The following PRKN variants were observed in gnomAD, a reference collection of about 807,000 sequenced individuals.
PRKN encodes the protein parkin RBR E3 ubiquitin protein ligase, also known as E3 ubiquitin-protein ligase parkin.
A neutral mutation model predicts 59.5 loss-of-function variants in PRKN; 56 were observed. The ratio of observed to expected loss-of-function variants is 0.94; its 90% confidence interval spans 0.76 to 1.18. PRKN has a LOEUF of 1.18. Among genes scored for constraint, PRKN ranks in the 50% most tolerant of loss-of-function variants. The pLI, the probability that PRKN is intolerant of heterozygous loss-of-function variation, is 0.00. For synonymous variants in PRKN, 250 were observed against 222.1 expected (o/e 1.13, Z -1.12); for missense variants, 657 against 596.4 (o/e 1.10, Z -1.06).
chr6:162,414,709 T>TGAAAAAAAAAAAAAAAAAAAAAAA lies in PRKN; in HGVS notation c.171+28600_171+28601insTTTTTTTTTTTTTTTTTTTTTTTC, dbSNP rs373871165. Among the ~76,000 whole-genome samples, 4 of 44,544 alleles carry TGAAAAAAAAAAAAAAAAAAAAAAA rather than the reference T, an allele frequency of 9.0e-5. 1 individual carries two copies. Among genetic ancestry groups the TGAAAAAAAAAAAAAAAAAAAAAAA allele is most frequent in the Admixed American group, 2.2e-4 (1 of 4,492 alleles). 29.2% of individuals were successfully genotyped at this position (44,544 alleles called of 152,430 possible). ...CTGGTCAACTGAGCAAGACTCCGTCTCAAAAAAAAAAAAAAAAAGTGAATC... is the reference window on the plus strand; with the variant it reads ...CTGGTCAACTGAGCAAGACTCCGTCTGAAAAAAAAAAAAAAAAAAAAAAACAAAAAAAAAAAAAAAAAGTGAATC... On this transcript the variant is annotated intron_variant, in intron 2 of 11. Coordinates refer to ENST00000366898, the MANE Select transcript of PRKN (RefSeq NM_004562.3).
intron 1 of PRKN, among the ~76,000 whole-genome samples, chr6:162,485,258 G>A (rs1792488600): frequency 1.3e-5 from 2 of 152,098 alleles, no homozygotes; most frequent in South Asian, 2.1e-4. Flanking sequence ...TTCTTTAGAG[G>A]AATGGTACGT....
chr6:162,513,074 C>T (rs539594344), intron 1 of PRKN, among the ~76,000 whole-genome samples: 101 of 152,244 alleles, frequency 6.6e-4, no homozygotes, highest in Admixed American at 2.9e-3. Context: ...ATGAAGAATG[C>T]TTCTCAGGGA....
Position 161,957,416 on chromosome 6 carries a change from TTTTG to T in PRKN, c.734+15882_734+15885del, listed in dbSNP as rs1176484848. ...TTTTTTGTTGTTCTTGTTGTTTTTT[TTTTG>T]TTTGTTTGTTTGTTTGTTTTTTTGA... On this transcript the variant is annotated intron_variant, in intron 6 of 11. Coordinates refer to ENST00000366898, the MANE Select transcript of PRKN (RefSeq NM_004562.3). Among the ~76,000 whole-genome samples the T allele has an allele frequency of 1.8e-3, 231 of 126,388 alleles. 4 individuals carry two copies. The highest frequency in any genetic ancestry group is 0.01 in the Admixed American group (134 of 13,168). The allele number at this position is 126,388 out of a possible 152,430, so 82.9% of individuals were successfully genotyped here.
Position 161,401,993 on chromosome 6 carries a change from T to C in PRKN, c.1084-15116A>G, listed in dbSNP as rs1364505226. 1.3e-5 allele frequency among the ~76,000 whole-genome samples: 2 copies of C among 152,308 alleles called. No homozygotes were observed. The highest frequency in any genetic ancestry group is 3.9e-4 in the East Asian group (2 of 5,176). ...AGGTTCCCAGCTTGGGGCTGGGTAA[T>C]AATGGTGAGAGCATTTCCCACATTA... On this transcript the variant is annotated intron_variant, in intron 9 of 11. Coordinates refer to ENST00000366898, the MANE Select transcript of PRKN (RefSeq NM_004562.3). This position sits in a 1 kb window ranked among gnomAD's most constrained non-coding sequence, Gnocchi z 4.4.
At position 161,394,360 on chromosome 6, in the gene PRKN, G is replaced by A. The variant is rs144639153; in HGVS notation, c.1084-7483C>T. 1.6e-3 allele frequency among the ~76,000 whole-genome samples: 243 copies of A among 151,986 alleles called. 1 individual carries two copies. Among genetic ancestry groups the A allele is most frequent in the African/African-American group, 5.5e-3 (229 of 41,362 alleles). ...GGATACAGCTCTGTAGAGTACCCAC[G>A]TTCCTTTGTCTTTCACAAATTCTGT... is the stretch of plus-strand genomic sequence containing the variant. On this transcript the variant is annotated intron_variant, in intron 9 of 11. Coordinates refer to ENST00000366898, the MANE Select transcript of PRKN (RefSeq NM_004562.3).
At position 161,700,215 on chromosome 6, in the gene PRKN, C is replaced by A. The variant is rs182597903; in HGVS notation, c.871+85557G>T. On this transcript the variant is annotated intron_variant, in intron 7 of 11. Coordinates refer to ENST00000366898, the MANE Select transcript of PRKN (RefSeq NM_004562.3). ...TGGCTATACTAATTCCTCTTAATTC[C>A]TTCAACATACCCTACTTCACCTTGA... 4.4e-3 allele frequency among the ~76,000 whole-genome samples: 675 copies of A among 152,164 alleles called. 6 individuals carry two copies. Among genetic ancestry groups the A allele is most frequent in the Non-Finnish European group, 7.3e-3 (497 of 67,996 alleles).
chr6:161,387,583 G>A lies in PRKN; in HGVS notation c.1084-706C>T, dbSNP rs73606912. Among the ~76,000 whole-genome samples, 1,366 of 152,270 alleles carry A rather than the reference G, an allele frequency of 9.0e-3. 22 individuals carry two copies. The highest frequency in any genetic ancestry group is 0.031 in the African/African-American group (1,275 of 41,546). On this transcript the variant is annotated intron_variant, in intron 9 of 11. Coordinates refer to ENST00000366898, the MANE Select transcript of PRKN (RefSeq NM_004562.3). ...AGTTTAATTGGTATTAGAATGTAAG[G>A]AAAAAACTTCATTCAAGACATTCCC...
intron 3 of PRKN, among the ~76,000 whole-genome samples, chr6:162,238,351 G>C (rs1319312669): frequency 6.6e-6 from 1 of 152,148 alleles, no homozygotes; most frequent in Non-Finnish European, 1.5e-5. Flanking sequence ...ATACCATCTA[G>C]ATTTGTGTAA....
intron 4 of PRKN, among the ~76,000 whole-genome samples, chr6:162,092,286 G>A (rs1337614961): frequency 1.5e-4 from 23 of 152,098 alleles, no homozygotes; most frequent in Admixed American, 1.5e-3. Flanking sequence ...CCTGGGAGGC[G>A]GAAGTTGCAG....
At chr6:162,703,924 G>T (rs145038497) in intron 1 of PRKN, among the ~76,000 whole-genome samples, 1 of 152,196 alleles carries the variant, frequency 6.6e-6, no homozygotes, top group Non-Finnish European at 1.5e-5. Context: ...CAGGTGCTGA[G>T]ACTACAAGCG....
chr6:161,531,899 C>A (rs980624792), intron 9 of PRKN, among the ~76,000 whole-genome samples: 4 of 152,044 alleles, frequency 2.6e-5, no homozygotes, highest in Non-Finnish European at 5.9e-5. Context: ...GGAACTGTTA[C>A]AATGGATCCC....
At chr6:161,408,152 A>T (rs1305013934) in intron 9 of PRKN, among the ~76,000 whole-genome samples, 1 of 152,190 alleles carries the variant, frequency 6.6e-6, no homozygotes, top group Non-Finnish European at 1.5e-5. Flanking sequence ...TTTTTAGAGA[A>T]AAGTCAGGAA....
chr6:161,418,915 G>A (rs1297436218), intron 9 of PRKN, among the ~76,000 whole-genome samples: 1 of 152,190 alleles, frequency 6.6e-6, no homozygotes, highest in Non-Finnish European at 1.5e-5. Context: ...TACAGGCGGT[G>A]GAGTTTTCTA....
intron 5 of PRKN, among the ~76,000 whole-genome samples, chr6:161,984,849 C>G (rs1781377371): frequency 6.6e-6 from 1 of 152,130 alleles, no homozygotes; most frequent in Admixed American, 6.5e-5. Flanking sequence ...TGTCAAAGTT[C>G]CACGCTGCAC....
intron 5 of PRKN, among the ~76,000 whole-genome samples, chr6:162,022,886 T>C (rs1332798338): frequency 6.6e-6 from 1 of 152,166 alleles, no homozygotes; most frequent in African/African-American, 2.4e-5. Flanking sequence ...GCCTAGCCAG[T>C]TTCCCAGCAC....
intron 7 of PRKN, among the ~76,000 whole-genome samples, chr6:161,780,429 G>A: frequency 6.6e-6 from 1 of 152,162 alleles, no homozygotes. Context: ...CATATGTCAT[G>A]TATTGCAAAG....
In PRKN at chr6:161,393,455, T is replaced by A. The variant is rs16892490; in HGVS notation, c.1084-6578A>T. On this transcript the variant is annotated intron_variant, in intron 9 of 11. Transcript: ENST00000366898. The surrounding 1 kb of genome is among the most constrained non-coding windows in gnomAD (Gnocchi z 4.7). ...TGAGGTAAGTCACTGTCAGCCCCCT[T>A]AGACGCTCTGTACTACCAGAGAGCT... is the stretch of plus-strand genomic sequence containing the variant. Among the ~76,000 whole-genome samples the A allele has an allele frequency of 0.15, 23,436 of 152,124 alleles. 1,944 individuals are homozygous for A. Among genetic ancestry groups the A allele is most frequent in the South Asian group, 0.24 (1,175 of 4,822 alleles).
chr6:162,218,437 A>G (rs1036004525), intron 3 of PRKN, among the ~76,000 whole-genome samples: 1 of 152,182 alleles, frequency 6.6e-6, no homozygotes, highest in Non-Finnish European at 1.5e-5. Context: ...GTGGCAGCCT[A>G]GAGTCCTGCT....
chr6:162,358,735 T>C (rs996119966), intron 2 of PRKN, among the ~76,000 whole-genome samples: 2 of 152,082 alleles, frequency 1.3e-5, no homozygotes, highest in African/African-American at 4.8e-5. Flanking sequence ...TTTTAGATTT[T>C]TTTCTCCAAA....
Sources: allele counts gnomAD v4.1 joint callset (sites outside exome capture counted in the v4.1 genomes callset), GRCh38; gene constraint gnomAD v4.1.1; non-coding constraint Gnocchi (gnomAD v3.1); transcripts MANE v1.5; gene names NCBI Gene and HGNC (gene_info 2026-07-23, HGNC 2026-07-21).